GREM2: variants seen among roughly 807,000 people sequenced by gnomAD.
GREM2 encodes the protein gremlin-2.
In GREM2, 11 loss-of-function variants were observed where a neutral mutation model predicts 14.2. The observed-to-expected ratio is 0.78, with a 90% CI of 0.49 to 1.28. The LOEUF (loss-of-function observed/expected upper bound fraction) is 1.28. Among genes scored for constraint, GREM2 ranks in the 50% most tolerant of loss-of-function variants. GREM2 has a pLI of 0.00. For synonymous variants in GREM2, 98 were observed against 97.6 expected, an observed-to-expected ratio of 1.00 and a Z score of -0.02; for missense variants, 210 against 218.5, an observed-to-expected ratio of 0.96 and a Z score of 0.24.
Position 240,491,228 on chromosome 1 carries a change from A to G in GREM2, c.*1741T>C, listed in dbSNP as rs1340549569. The G allele has an allele frequency of 6.6e-6, 1 of 152,284 alleles. No homozygotes were observed. Among genetic ancestry groups the G allele is most frequent in the Admixed American group, 6.5e-5 (1 of 15,274 alleles). 9.4% of individuals were successfully genotyped at this position (152,284 alleles called of 1,614,324 possible). On this transcript the variant is annotated 3_prime_UTR_variant, in exon 2 of 2. Transcript: ENST00000318160. ...TCTTCAAGTGAATGTCTCTAGATCC[A>G]CCATCACTACCTAGTATCAGGAAGC...
At chr1:240,533,437 G>A (rs1006979272) in intron 1 of GREM2, among the ~76,000 whole-genome samples, 12 of 152,344 alleles carry the variant, frequency 7.9e-5, no homozygotes, top group African/African-American at 2.9e-4. Flanking sequence ...CTACAGTTGA[G>A]AAGCCCTTGG....
At chr1:240,529,306 G>A (rs998662100) in intron 1 of GREM2, among the ~76,000 whole-genome samples, 1 of 146,390 alleles carries the variant, frequency 6.8e-6, no homozygotes, top group East Asian at 2.0e-4. Flanking sequence ...TGTTAAACTG[G>A]TGATTGTATA....
chr1:240,516,406 G>A (rs1026577886), intron 1 of GREM2, among the ~76,000 whole-genome samples: 2 of 152,102 alleles, frequency 1.3e-5, no homozygotes, highest in African/African-American at 2.4e-5. Context: ...TCAAAATGAG[G>A]CATTAAATGG....
rs1016112162 is a variant in GREM2, at chr1:240,556,783, A to G, written c.-2+55101T>C. On this transcript the variant is annotated intron_variant, in intron 1 of 1. Coordinates refer to ENST00000318160, the MANE Select transcript of GREM2 (RefSeq NM_022469.4). The stretch of plus-strand genomic sequence containing the variant: ...AGATAAACTTGAAGAAATCTCCACA[A>G]ACTAAAAACAAAATGACAAAAATGC... Among the ~76,000 whole-genome samples the G allele has an allele frequency of 2.0e-5, 3 of 152,214 alleles. No individual in the cohort carries two copies. In the East Asian group the frequency reaches 5.8e-4, roughly 29 times the overall value.
At chr1:240,561,693 T>TACACACAC (rs541661990) in intron 1 of GREM2, among the ~76,000 whole-genome samples, 11,329 of 145,612 alleles carry the variant, frequency 0.078, 487 homozygotes, top group African/African-American at 0.12. Flanking sequence ...TAATCCTGCA[T>TACACACAC]ACACACACAC....
intron 1 of GREM2, among the ~76,000 whole-genome samples, chr1:240,494,594 A>G (rs1677363254): frequency 6.6e-6 from 1 of 152,218 alleles, no homozygotes; most frequent in Non-Finnish European, 1.5e-5. Context: ...AATGAGTCAT[A>G]AATTAGAGTC....
At chr1:240,603,141 T>A (rs1193658119) in intron 1 of GREM2, among the ~76,000 whole-genome samples, 1 of 152,072 alleles carries the variant, frequency 6.6e-6, no homozygotes, top group African/African-American at 2.4e-5. Flanking sequence ...TGCGGAGCTA[T>A]CAATGGGAAC....
intron 1 of GREM2, among the ~76,000 whole-genome samples, chr1:240,605,111 A>G (rs888199785): frequency 1.6e-4 from 24 of 152,184 alleles, no homozygotes; most frequent in African/African-American, 4.3e-4. Context: ...CGTTCCAGCC[A>G]ATGGAAACCA....
At chr1:240,528,709 A>C (rs1255747809) in intron 1 of GREM2, among the ~76,000 whole-genome samples, 1 of 152,176 alleles carries the variant, frequency 6.6e-6, no homozygotes, top group Non-Finnish European at 1.5e-5. Context: ...TGCAGGTCCA[A>C]GCACTCTGGC....
Position 240,499,748 on chromosome 1 carries a change from C to T in GREM2, c.-1-6272G>A, listed in dbSNP as rs527481176. On this transcript the variant is annotated intron_variant, in intron 1 of 1. Coordinates refer to ENST00000318160, the MANE Select transcript of GREM2 (RefSeq NM_022469.4). ...TCTATAAACTAAGGCAAACTATGGC[C>T]CACAGGCCAAACCCAACCTGAGATC... Among the ~76,000 whole-genome samples, 7 of 152,300 alleles carry T rather than the reference C, an allele frequency of 4.6e-5. No homozygotes were observed. In the East Asian group the frequency reaches 1.2e-3, roughly 25 times the overall value.
Position 240,493,299 on chromosome 1 carries a change from GGCCTCCTGGCTGGAGGCCAGC to G in GREM2, c.156_176del (p.Ala54_Leu60del). On this transcript the variant is annotated inframe_deletion, in exon 2 of 2. Transcript: ENST00000318160. ...GGTACTTGCGCTCGGTGACCACCAG[GGCCTCCTGGCTGGAGGCCAGC>G]ACCTCCTTGATCTGGTGCTGCCATC... 6.2e-7 allele frequency: 1 copy of G among 1,614,016 alleles called. No homozygotes were observed. The highest frequency in any genetic ancestry group is 8.5e-7 in the Non-Finnish European group (1 of 1,179,998).
At chr1:240,518,454 T>A (rs147293869) in intron 1 of GREM2, among the ~76,000 whole-genome samples, 1 of 152,302 alleles carries the variant, frequency 6.6e-6, no homozygotes, top group East Asian at 1.9e-4. Context: ...TCTTGATAAA[T>A]GTACTTGCTT....
chr1:240,542,359 C>T lies in GREM2; in HGVS notation c.-1-48883G>A, dbSNP rs1322969835. Among the ~76,000 whole-genome samples, 2 of 151,064 alleles carry T rather than the reference C, an allele frequency of 1.3e-5. No homozygotes were observed. Among genetic ancestry groups the T allele is most frequent in the East Asian group, 3.9e-4 (2 of 5,124 alleles). ...TCACGGCTCACGTCTAATCCCAGTA[C>T]TTTGGGAGGCCGAGGTGGGCAGATC... On this transcript the variant is annotated intron_variant, in intron 1 of 1. Coordinates refer to ENST00000318160, the MANE Select transcript of GREM2 (RefSeq NM_022469.4). The surrounding 1 kb of genome is among the most constrained non-coding windows in gnomAD (Gnocchi z 4.1).
intron 1 of GREM2, among the ~76,000 whole-genome samples, chr1:240,582,285 A>T (rs1679499396): frequency 3.9e-5 from 6 of 152,088 alleles, no homozygotes; most frequent in Admixed American, 1.3e-4. Flanking sequence ...AAAATACAAC[A>T]ATTAGCTGAG....
chr1:240,527,356 A>G (rs1678247973), intron 1 of GREM2, among the ~76,000 whole-genome samples: 1 of 152,224 alleles, frequency 6.6e-6, no homozygotes, highest in Non-Finnish European at 1.5e-5. Context: ...CATAAAGATA[A>G]TTAGGGCAAT....
intron 1 of GREM2, among the ~76,000 whole-genome samples, chr1:240,563,550 C>T (rs1679115862): frequency 6.6e-6 from 1 of 152,172 alleles, no homozygotes; most frequent in Admixed American, 6.5e-5. Flanking sequence ...AGGGTTGCTA[C>T]CTTTTGTCTG....
At chr1:240,576,612 A>C (rs1165792522) in intron 1 of GREM2, among the ~76,000 whole-genome samples, 2 of 152,170 alleles carry the variant, frequency 1.3e-5, no homozygotes, top group Non-Finnish European at 2.9e-5. Flanking sequence ...CTGTAGTGGG[A>C]AGTGGGGGAG....
intron 1 of GREM2, among the ~76,000 whole-genome samples, chr1:240,571,569 G>T (rs1157774984): frequency 2.0e-5 from 3 of 152,056 alleles, no homozygotes; most frequent in Non-Finnish European, 4.4e-5. Flanking sequence ...GGTGGCAGGT[G>T]CCTGTAATCC....
rs1934343 is a variant in GREM2, at chr1:240,540,952, C to T, written c.-1-47476G>A. On this transcript the variant is annotated intron_variant, in intron 1 of 1. Coordinates refer to ENST00000318160, the MANE Select transcript of GREM2 (RefSeq NM_022469.4). The surrounding 1 kb of genome is among the most constrained non-coding windows in gnomAD (Gnocchi z 4.2). ...CCTTCCAGCATTCTGGACCAGAAGT[C>T]TCCTGTGTTTGTTCTGCTTTTGTGG... 0.028 allele frequency among the ~76,000 whole-genome samples: 4,308 copies of T among 152,234 alleles called. 164 individuals are homozygous for T. The highest frequency in any genetic ancestry group is 0.097 in the African/African-American group (4,014 of 41,520).
Sources: gnomAD v4.1 joint callset for allele counts (sites outside exome capture counted in the v4.1 genomes callset) on GRCh38, gnomAD v4.1.1 for gene constraint, Gnocchi (gnomAD v3.1) non-coding constraint, MANE v1.5 for transcripts, NCBI Gene and HGNC (gene_info 2026-07-23, HGNC 2026-07-21) for gene names.